Variants in SLC41A1 observed in about 807,000 individuals in gnomAD.
SLC41A1 encodes solute carrier family 41 (magnesium transporter), member 1.
A neutral mutation model predicts 47.3 loss-of-function variants in SLC41A1; 20 were observed. That is an observed-to-expected ratio of 0.42 (90% CI 0.30 to 0.61). The LOEUF is 0.61. Among genes scored for constraint, SLC41A1 ranks in the 20% least tolerant of loss-of-function variants. SLC41A1 has a pLI of 0.17. For synonymous variants in SLC41A1, 282 were observed against 272.7 expected (o/e 1.03, Z -0.34); for missense variants, 504 against 674.1 (o/e 0.75, Z 2.79).
At chr1:205,795,152 G>A in intron 9 of SLC41A1, 134 bp from the exon 10 acceptor site, 1 of 1,426,746 alleles carries the variant, frequency 7.0e-7, no homozygotes, top group East Asian at 2.4e-5. Flanking sequence ...TCTGCATCCT[G>A]TGGTCTCCAA....
rs187543005 is a variant in SLC41A1, at chr1:205,798,144, T to C, written c.845-93A>G. On this transcript the variant is annotated intron_variant, in intron 6 of 10. Transcript: ENST00000367137. Reference sequence around the variant, plus strand: ...GCCTGAAAATGTCCCAACAGATCAATAGCAAGACTACACTAAATGCCAGTA... The same window carrying C: ...GCCTGAAAATGTCCCAACAGATCAACAGCAAGACTACACTAAATGCCAGTA... 6,284 of 1,547,852 alleles carry C rather than the reference T, an allele frequency of 4.1e-3. 22 individuals are homozygous for C. The highest frequency in any genetic ancestry group is 4.7e-3 in the Non-Finnish European group (5,281 of 1,129,432).
intron 2 of SLC41A1, among the ~76,000 whole-genome samples, chr1:205,803,987 A>G (rs1655954365): frequency 6.6e-6 from 1 of 152,094 alleles, no homozygotes; most frequent in African/African-American, 2.4e-5. Flanking sequence ...GAGCAGGGAA[A>G]AGAGTGAGTG....
At chr1:205,794,824 G>C (rs758188359) in intron 10 of SLC41A1, 46 bp downstream of exon 10, 2 of 1,611,412 alleles carry the variant, frequency 1.2e-6, no homozygotes, top group South Asian at 2.2e-5. Context: ...CATCCCTGCA[G>C]GGCATCCTGG....
intron 2 of SLC41A1, among the ~76,000 whole-genome samples, chr1:205,808,186 C>T (rs1656059712): frequency 6.6e-6 from 1 of 152,142 alleles, no homozygotes; most frequent in Non-Finnish European, 1.5e-5. Context: ...AAACTCCTGA[C>T]CTCAGGTGAT....
chr1:205,809,188 T>TA (rs1163458522), intron 2 of SLC41A1, among the ~76,000 whole-genome samples: 7 of 152,230 alleles, frequency 4.6e-5, no homozygotes, highest in African/African-American at 1.4e-4. Flanking sequence ...ACACTGTGCC[T>TA]AAAAAACTTT....
chr1:205,800,673 G>A (rs753439355), intron 3 of SLC41A1, among the ~76,000 whole-genome samples: 4 of 152,202 alleles, frequency 2.6e-5, no homozygotes, highest in Non-Finnish European at 5.9e-5. Flanking sequence ...AAACAGTCAC[G>A]AGGTGGTTGA....
At chr1:205,807,380 C>A (rs1486802656) in intron 2 of SLC41A1, among the ~76,000 whole-genome samples, 1 of 152,128 alleles carries the variant, frequency 6.6e-6, no homozygotes, top group African/African-American at 2.4e-5. Flanking sequence ...AGCTGAGGTG[C>A]CACACTGAGA....
rs764146152 is a variant in SLC41A1, at chr1:205,798,991, G to A, written c.663C>T (p.Ser221=). ...GGGAGGCAATGAAGGCTGTGGCCAC[G>A]CTGCTAGCACAGAGCAGGAAGGCGT... ...IPHAFLLCAS[S]VATAFIASLV... Residue 221 remains serine, a synonymous_variant, in exon 5 of 11, where the codon AGC becomes AGT. Coordinates refer to ENST00000367137, the MANE Select transcript of SLC41A1 (RefSeq NM_173854.6). The A allele has an allele frequency of 1.9e-5, 30 of 1,613,966 alleles. No individual in the cohort carries two copies. Among genetic ancestry groups the A allele is most frequent in the Middle Eastern group, 3.3e-4 (2 of 6,068 alleles).
chr1:205,791,414 G>T lies in SLC41A1; in HGVS notation c.*119C>A. On this transcript the variant is annotated 3_prime_UTR_variant, in exon 11 of 11. Coordinates refer to ENST00000367137, the MANE Select transcript of SLC41A1 (RefSeq NM_173854.6). The surrounding 1 kb of genome is among the most constrained non-coding windows in gnomAD (Gnocchi z 4.0). The stretch of plus-strand genomic sequence containing the variant: ...TTCCCATTGAAAATAATGAGAATTT[G>T]GTATCAAAGTGAAGTCCTAGAAAGA... The T allele has an allele frequency of 2.5e-6, 3 of 1,199,818 alleles. No homozygotes were observed. The highest frequency in any genetic ancestry group is 2.0e-4 in the Middle Eastern group (1 of 5,020). The allele number at this position is 1,199,818 out of a possible 1,614,324, so 74.3% of individuals were successfully genotyped here. A position where few individuals can be genotyped will look rare whatever the true frequency, so the allele number is the denominator to read the frequency against.
chr1:205,798,615 C>T (rs1044424552), intron 6 of SLC41A1, 54 bp downstream of exon 6: 24 of 1,613,268 alleles, frequency 1.5e-5, no homozygotes, highest in Non-Finnish European at 2.0e-5. Flanking sequence ...AAACTACTAC[C>T]ATCTCTCCCA....
intron 2 of SLC41A1, among the ~76,000 whole-genome samples, chr1:205,801,900 A>G (rs989627697): frequency 1.3e-5 from 2 of 152,200 alleles, no homozygotes; most frequent in Non-Finnish European, 2.9e-5. Context: ...CCAGTAAGGT[A>G]GGGGCTATTT....
intron 1 of SLC41A1, 141 bp downstream of exon 1, chr1:205,812,667 A>T: frequency 1.2e-6 from 1 of 860,254 alleles, no homozygotes; most frequent in Non-Finnish European, 1.4e-6. Flanking sequence ...CCATTTTAGT[A>T]TCCCCAACCC....
intron 2 of SLC41A1, among the ~76,000 whole-genome samples, chr1:205,804,421 C>T (rs1380125879): frequency 2.6e-5 from 4 of 152,106 alleles, no homozygotes; most frequent in Non-Finnish European, 5.9e-5. Context: ...AAGAGACTGC[C>T]CCCCATCTCA....
chr1:205,799,822 A>G lies in SLC41A1; in HGVS notation c.489T>C (p.Ile163=), dbSNP rs1288923702. 7.4e-6 allele frequency: 12 copies of G among 1,614,094 alleles called. No individual in the cohort carries two copies. The highest frequency in any genetic ancestry group is 1.0e-5 in the Non-Finnish European group (12 of 1,179,988). Reference sequence around the variant, plus strand: ...GCTCCTTGGGTGTGTCCATGTGTCCAATGTTGGCCTGGGAAAGGGAGGGCA... The same window carrying G: ...GCTCCTTGGGTGTGTCCATGTGTCCGATGTTGGCCTGGGAAAGGGAGGGCA... ...LASRLSTAAN[I]GHMDTPKELW... Residue 163 remains isoleucine, a synonymous_variant, in exon 4 of 11, where the codon ATT becomes ATC. Coordinates refer to ENST00000367137, the MANE Select transcript of SLC41A1 (RefSeq NM_173854.6).
At chr1:205,798,869 T>C in intron 5 of SLC41A1, 54 bp from the exon 6 acceptor site, 2 of 1,614,020 alleles carry the variant, frequency 1.2e-6, no homozygotes, top group South Asian at 2.2e-5. Flanking sequence ...TAAAGGAGTC[T>C]CAACAAACAA....
At chr1:205,793,460 C>A (rs1430676685) in intron 10 of SLC41A1, among the ~76,000 whole-genome samples, 1 of 152,224 alleles carries the variant, frequency 6.6e-6, no homozygotes, top group Admixed American at 6.5e-5. Flanking sequence ...TGCACTGGAA[C>A]CCACTAGCAA....
intron 2 of SLC41A1, among the ~76,000 whole-genome samples, chr1:205,802,534 T>C (rs761166689): frequency 7.9e-5 from 12 of 151,640 alleles, no homozygotes; most frequent in Admixed American, 2.0e-4. Flanking sequence ...CTGACCAACA[T>C]GGAGAAACCC....
intron 9 of SLC41A1, 92 bp downstream of exon 9, chr1:205,795,252 G>A: frequency 6.3e-7 from 1 of 1,586,798 alleles, no homozygotes; most frequent in South Asian, 1.1e-5. Flanking sequence ...AGGAGAACCT[G>A]TGGATCTGGG....
chr1:205,796,076 G>C (rs1258923309), intron 8 of SLC41A1: 1 of 176,880 alleles, frequency 5.7e-6, no homozygotes, highest in Admixed American at 5.4e-5. Flanking sequence ...AGCTCTGGGG[G>C]ACTGGTCTCC....
Sources: gnomAD v4.1 joint callset for allele counts (sites outside exome capture counted in the v4.1 genomes callset) on GRCh38, gnomAD v4.1.1 for gene constraint, Gnocchi (gnomAD v3.1) non-coding constraint, MANE v1.5 for transcripts, NCBI Gene and HGNC (gene_info 2026-07-23, HGNC 2026-07-21) for gene names.